The following ASAP1 variants were observed in gnomAD, a reference collection of about 807,000 sequenced individuals.
ASAP1 encodes the protein ArfGAP with SH3 domain, ankyrin repeat and PH domain 1.
Under a neutral mutation model 145.2 loss-of-function variants are expected in ASAP1, and 43 were observed. The observed-to-expected ratio is 0.30, with a 90% CI of 0.23 to 0.38. The LOEUF is 0.38. Ranked by LOEUF, ASAP1 falls within the 10% of genes least tolerant of loss-of-function variation. ASAP1 has a pLI of 1.00. For synonymous variants in ASAP1, 546 were observed against 515.5 expected (o/e 1.06, Z -0.80); for missense variants, 1,018 against 1,355.3 (o/e 0.75, Z 3.91).
In ASAP1 at chr8:130,054,525, G is replaced by A. The variant is rs2097399415; in HGVS notation, c.*206C>T. On this transcript the variant is annotated 3_prime_UTR_variant, in exon 30 of 30. Transcript: ENST00000518721. ...AGGATGGCTTTGGCAAACCAGTAAG[G>A]CGCGCCGGGTCCGAGGCTACCCTCA... is the stretch of plus-strand genomic sequence containing the variant. The A allele has an allele frequency of 1.9e-5, 9 of 479,710 alleles. No individual in the cohort carries two copies. In the South Asian group the frequency reaches 2.0e-4, roughly 11 times the overall value. 29.7% of individuals were successfully genotyped at this position (479,710 alleles called of 1,614,324 possible).
chr8:130,288,146 T>G (rs928423775), intron 3 of ASAP1, among the ~76,000 whole-genome samples: 27 of 152,338 alleles, frequency 1.8e-4, no homozygotes, highest in African/African-American at 6.0e-4. Context: ...TGCTAATTAA[T>G]GCAAATATGG....
intron 14 of ASAP1, among the ~76,000 whole-genome samples, chr8:130,136,670 G>T (rs1432870007): frequency 6.6e-6 from 1 of 151,800 alleles, no homozygotes; most frequent in Non-Finnish European, 1.5e-5. Context: ...AGGGGATAAA[G>T]CTGTGTACTC....
chr8:130,441,245 C>T (rs530974503), intron 1 of ASAP1, among the ~76,000 whole-genome samples: 1 of 152,182 alleles, frequency 6.6e-6, no homozygotes, highest in African/African-American at 2.4e-5. Context: ...AAACTCGATT[C>T]CAGATAAATC....
chr8:130,188,551 T>C (rs986306957), intron 5 of ASAP1, among the ~76,000 whole-genome samples: 8 of 151,668 alleles, frequency 5.3e-5, no homozygotes, highest in African/African-American at 1.9e-4. Context: ...CTGGCCAACA[T>C]GGGGAGACAC....
intron 3 of ASAP1, among the ~76,000 whole-genome samples, chr8:130,345,154 C>T (rs1251511949): frequency 2.0e-5 from 3 of 151,976 alleles, no homozygotes; most frequent in Admixed American, 6.6e-5. Context: ...GTTGTGTGGA[C>T]GAAATGAGAA....
intron 3 of ASAP1, among the ~76,000 whole-genome samples, chr8:130,346,231 C>T (rs894137144): frequency 2.6e-5 from 4 of 152,158 alleles, no homozygotes; most frequent in African/African-American, 9.7e-5. Context: ...AAAGTGAAGA[C>T]ATACGTGAAC....
At chr8:130,265,867 G>T (rs1022772163) in intron 3 of ASAP1, among the ~76,000 whole-genome samples, 1 of 152,172 alleles carries the variant, frequency 6.6e-6, no homozygotes, top group South Asian at 2.1e-4. Flanking sequence ...GGGCGAAAGT[G>T]AAACTGTCTC....
chr8:130,368,724 CA>C (rs1827078628), intron 2 of ASAP1, among the ~76,000 whole-genome samples: 2 of 152,114 alleles, frequency 1.3e-5, no homozygotes, highest in Admixed American at 1.3e-4. Flanking sequence ...CTTTGCCACA[CA>C]TCAGAGAGCT....
At chr8:130,249,619 T>G (rs1008496902) in intron 3 of ASAP1, among the ~76,000 whole-genome samples, 1 of 152,194 alleles carries the variant, frequency 6.6e-6, no homozygotes, top group African/African-American at 2.4e-5. Flanking sequence ...CATTCACTAG[T>G]GCTATGAGAG....
chr8:130,397,141 TTTG>T (rs142683440), intron 2 of ASAP1, among the ~76,000 whole-genome samples: 2 of 150,752 alleles, frequency 1.3e-5, no homozygotes, highest in Admixed American at 6.6e-5. Flanking sequence ...TTATGAGAAT[TTTG>T]TTGTTGTTGT....
intron 1 of ASAP1, among the ~76,000 whole-genome samples, chr8:130,431,333 G>T (rs73713904): frequency 0.029 from 4,356 of 152,258 alleles, 173 homozygotes; most frequent in East Asian, 0.099. Flanking sequence ...GCCTTCAGTG[G>T]TTCCTCAGCG....
chr8:130,171,037 T>C (rs1233140865), intron 9 of ASAP1, among the ~76,000 whole-genome samples: 1 of 152,208 alleles, frequency 6.6e-6, no homozygotes, highest in Non-Finnish European at 1.5e-5. Flanking sequence ...TTTCTAGCAT[T>C]TGGGTTTTCG....
intron 3 of ASAP1, among the ~76,000 whole-genome samples, chr8:130,343,966 T>C (rs1362068687): frequency 6.6e-6 from 1 of 152,216 alleles, no homozygotes; most frequent in East Asian, 1.9e-4. Flanking sequence ...ATGGATGACT[T>C]TTAAATTTTC....
chr8:130,430,939 C>T (rs1237826652), intron 1 of ASAP1, among the ~76,000 whole-genome samples: 6 of 152,080 alleles, frequency 3.9e-5, no homozygotes, highest in African/African-American at 7.2e-5. Context: ...AGGAGAAGAC[C>T]GGAGAGAAGG....
At chr8:130,217,495 ATAT>A (rs1412745489) in intron 4 of ASAP1, among the ~76,000 whole-genome samples, 1 of 150,978 alleles carries the variant, frequency 6.6e-6, no homozygotes, top group East Asian at 2.0e-4. Context: ...GTATATATGT[ATAT>A]TATATGTGTA....
At chr8:130,436,664 A>AG (rs1830322965) in intron 1 of ASAP1, among the ~76,000 whole-genome samples, 1 of 152,158 alleles carries the variant, frequency 6.6e-6, no homozygotes, top group Non-Finnish European at 1.5e-5. Context: ...TAACCAGGCA[A>AG]GGTGGCTCAT....
At chr8:130,127,487 G>A (rs1202355385) in intron 16 of ASAP1, among the ~76,000 whole-genome samples, 1 of 152,168 alleles carries the variant, frequency 6.6e-6, no homozygotes, top group Non-Finnish European at 1.5e-5. Context: ...AAAGTGCTGG[G>A]ATTACAGGCG....
chr8:130,297,333 T>C (rs987734892), intron 3 of ASAP1, among the ~76,000 whole-genome samples: 5 of 152,218 alleles, frequency 3.3e-5, no homozygotes, highest in African/African-American at 1.2e-4. Flanking sequence ...ACCTTCCTTA[T>C]AAGTAGGTTT....
At chr8:130,334,180 G>A (rs942858094) in intron 3 of ASAP1, among the ~76,000 whole-genome samples, 2 of 152,154 alleles carry the variant, frequency 1.3e-5, no homozygotes, top group African/African-American at 4.8e-5. Flanking sequence ...AGCTGTTAAG[G>A]AGAGTGGACA....
Sources: allele counts gnomAD v4.1 joint callset (sites outside exome capture counted in the v4.1 genomes callset), GRCh38; gene constraint gnomAD v4.1.1; transcripts MANE v1.5; gene names NCBI Gene and HGNC (gene_info 2026-07-23, HGNC 2026-07-21).